The following CTNND2 variants were observed in gnomAD, a reference collection of about 807,000 sequenced individuals.
The protein encoded by CTNND2 is catenin delta 2, also known as catenin delta-2.
A neutral mutation model predicts 144.4 loss-of-function variants in CTNND2; 22 were observed. That is an observed-to-expected ratio of 0.15 (90% CI 0.11 to 0.22). CTNND2 has a LOEUF of 0.22. Among genes scored for constraint, CTNND2 ranks in the 10% least tolerant of loss-of-function variants. The probability of loss-of-function intolerance (pLI) is 1.00; values close to 1 mark genes in which losing one functional copy is unlikely to be tolerated. For missense variants in CTNND2, 1,353 were observed against 1,618.8 expected (o/e 0.84, Z 2.82); for synonymous variants, 751 against 695.6 (o/e 1.08, Z -1.25).
intron 2 of CTNND2, among the ~76,000 whole-genome samples, chr5:11,621,848 T>C (rs1343859904): frequency 2.0e-5 from 3 of 152,200 alleles, no homozygotes; most frequent in African/African-American, 7.2e-5. Context: ...TCATTAAGCA[T>C]ATGTAGGCGG....
chr5:11,283,539 T>C (rs392946), intron 9 of CTNND2, among the ~76,000 whole-genome samples: 52,404 of 151,198 alleles, frequency 0.35, 9,149 homozygotes, highest in Middle Eastern at 0.44. Flanking sequence ...CGGGGTGTGG[T>C]GGCACCTGCC....
chr5:11,894,125 A>G (rs1737209216), intron 1 of CTNND2, among the ~76,000 whole-genome samples: 2 of 152,268 alleles, frequency 1.3e-5, no homozygotes, highest in Admixed American at 1.3e-4. Flanking sequence ...TATCTCAAAA[A>G]ATGGAAGCCA....
chr5:11,760,394 AC>A (rs1437718106), intron 1 of CTNND2, among the ~76,000 whole-genome samples: 3 of 152,120 alleles, frequency 2.0e-5, no homozygotes, highest in African/African-American at 7.2e-5. Context: ...TTGCTTCTAA[AC>A]CCATTCATTT....
At chr5:11,061,653 T>C (rs1746993695) in intron 16 of CTNND2, among the ~76,000 whole-genome samples, 2 of 152,236 alleles carry the variant, frequency 1.3e-5, no homozygotes. Flanking sequence ...CCCTTGTCAC[T>C]CTCTAAACCC....
At chr5:11,618,801 ATAT>A (rs1460647022) in intron 2 of CTNND2, among the ~76,000 whole-genome samples, 3 of 152,188 alleles carry the variant, frequency 2.0e-5, no homozygotes, top group African/African-American at 7.2e-5. Context: ...AATTTTACAT[ATAT>A]TGAGTATCAT....
intron 1 of CTNND2, among the ~76,000 whole-genome samples, chr5:11,854,971 G>C (rs551930515): frequency 6.6e-6 from 1 of 152,176 alleles, no homozygotes; most frequent in East Asian, 1.9e-4. Context: ...TTTGTGGTGC[G>C]CTGTCATTTT....
chr5:11,397,645 C>T (rs1342570308), intron 5 of CTNND2, among the ~76,000 whole-genome samples: 1 of 152,142 alleles, frequency 6.6e-6, no homozygotes, highest in African/African-American at 2.4e-5. Flanking sequence ...CAATCACTGA[C>T]AAATTCTACT....
In CTNND2 at chr5:11,560,444, T is replaced by G. The variant is rs58259903; in HGVS notation, c.287+4500A>C. 1.1e-3 allele frequency among the ~76,000 whole-genome samples: 169 copies of G among 152,348 alleles called. 2 individuals are homozygous for G. The East Asian group carries it at 0.03, about 27-fold the overall frequency. On this transcript the variant is annotated intron_variant, in intron 3 of 21. Coordinates refer to ENST00000304623, the MANE Select transcript of CTNND2 (RefSeq NM_001332.4). ...TTTGAATTCCATTTCTCTACCATTA[T>G]GTTACTGATGCCTATGGAAATCAAG...
At chr5:11,118,329 G>T (rs768034704) in intron 12 of CTNND2, among the ~76,000 whole-genome samples, 2 of 152,320 alleles carry the variant, frequency 1.3e-5, no homozygotes, top group East Asian at 1.9e-4. Flanking sequence ...TTCCAGTAGA[G>T]AATTTCTGCA....
chr5:11,077,879 C>T (rs949859208), intron 16 of CTNND2, among the ~76,000 whole-genome samples: 5 of 152,156 alleles, frequency 3.3e-5, no homozygotes, highest in South Asian at 2.1e-4. Context: ...GGATTGCATA[C>T]GAGTCAAAGA....
At chr5:11,731,582 G>T (rs928272061) in intron 2 of CTNND2, among the ~76,000 whole-genome samples, 1 of 152,028 alleles carries the variant, frequency 6.6e-6, no homozygotes, top group Non-Finnish European at 1.5e-5. Flanking sequence ...TAAATCTAAG[G>T]TTCAGATTTT....
chr5:10,976,957 G>C (rs951882610), intron 21 of CTNND2, among the ~76,000 whole-genome samples: 4 of 152,238 alleles, frequency 2.6e-5, no homozygotes, highest in Non-Finnish European at 5.9e-5. Flanking sequence ...CTGGGAACTT[G>C]TTAGAAATGC....
chr5:11,836,347 T>G (rs1238112237), intron 1 of CTNND2, among the ~76,000 whole-genome samples: 2 of 152,152 alleles, frequency 1.3e-5, no homozygotes, highest in African/African-American at 2.4e-5. Flanking sequence ...TGAGAAAACT[T>G]GAGAATTAGA....
chr5:11,865,788 G>C (rs1795731938), intron 1 of CTNND2, among the ~76,000 whole-genome samples: 1 of 150,824 alleles, frequency 6.6e-6, no homozygotes, highest in South Asian at 2.1e-4. Context: ...GGAAGAAGAG[G>C]AGAACTATAG....
intron 13 of CTNND2, among the ~76,000 whole-genome samples, chr5:11,111,641 G>A (rs1275668790): frequency 6.6e-6 from 1 of 152,158 alleles, no homozygotes; most frequent in African/African-American, 2.4e-5. Flanking sequence ...AGTGGTTAAG[G>A]ACACATGTTG....
chr5:11,782,884 C>T (rs1226033563), intron 1 of CTNND2, among the ~76,000 whole-genome samples: 2 of 152,194 alleles, frequency 1.3e-5, no homozygotes, highest in East Asian at 1.9e-4. Flanking sequence ...CCCATGTTCA[C>T]TGCTCAAGTT....
At chr5:11,376,188 T>C (rs965189495) in intron 7 of CTNND2, among the ~76,000 whole-genome samples, 2 of 152,172 alleles carry the variant, frequency 1.3e-5, no homozygotes, top group Non-Finnish European at 2.9e-5. Context: ...GTTTGTAAGT[T>C]ACACAATTTA....
chr5:11,146,462 G>A (rs1299832601), intron 12 of CTNND2, among the ~76,000 whole-genome samples: 2 of 152,162 alleles, frequency 1.3e-5, no homozygotes, highest in Non-Finnish European at 2.9e-5. Context: ...GGGCTCCAGG[G>A]TAAACTGCTA....
chr5:11,678,371 A>T (rs1483441484), intron 2 of CTNND2, among the ~76,000 whole-genome samples: 2 of 152,174 alleles, frequency 1.3e-5, no homozygotes, highest in Non-Finnish European at 2.9e-5. Flanking sequence ...TTTTACATTA[A>T]TAAAATTGGC....
Sources: allele counts gnomAD v4.1 joint callset (sites outside exome capture counted in the v4.1 genomes callset), GRCh38; gene constraint gnomAD v4.1.1; transcripts MANE v1.5; gene names NCBI Gene and HGNC (gene_info 2026-07-23, HGNC 2026-07-21).